Variants in NREP observed in about 807,000 individuals in gnomAD.
NREP encodes the protein neuronal regeneration-related protein.
In NREP, 5 loss-of-function variants were observed where a neutral mutation model predicts 8.6. The observed-to-expected ratio is 0.58, with a 90% CI of 0.30 to 1.22. The LOEUF (loss-of-function observed/expected upper bound fraction) is 1.22, where lower values mean the gene tolerates loss of function less well. Ranked by LOEUF, NREP falls within the 50% of genes most tolerant of loss-of-function variation. The probability of loss-of-function intolerance (pLI) is 0.07; values close to 1 mark genes in which losing one functional copy is unlikely to be tolerated. For missense variants in NREP, 86 were observed against 82.5 expected (o/e 1.04, Z -0.17); for synonymous variants, 27 against 28.0 (o/e 0.96, Z 0.11).
intron 2 of NREP, among the ~76,000 whole-genome samples, chr5:111,872,142 T>C (rs1390442428): frequency 6.6e-6 from 1 of 152,030 alleles, no homozygotes; most frequent in Non-Finnish European, 1.5e-5. Flanking sequence ...GCTGCAAGTC[T>C]CAAGATCTGC....
intron 2 of NREP, among the ~76,000 whole-genome samples, chr5:111,766,712 C>A (rs556029178): frequency 1.3e-5 from 2 of 152,328 alleles, no homozygotes; most frequent in African/African-American, 4.8e-5. Flanking sequence ...TTCCTCCCTA[C>A]AACCTCAGGT....
At chr5:111,757,747 C>G, upstream of NREP, 1 of 983,696 alleles carries the variant, frequency 1.0e-6, no homozygotes, top group East Asian at 1.1e-4. Context: ...GAGCACGGCG[C>G]GCGCAAATCC....
At chr5:111,879,794 T>G (rs576184828) in intron 2 of NREP, among the ~76,000 whole-genome samples, 24 of 151,088 alleles carry the variant, frequency 1.6e-4, no homozygotes, top group African/African-American at 5.8e-4. Context: ...AGCCAACTTC[T>G]TTTTGTAGTC....
At chr5:111,879,164 A>G (rs1295894888) in intron 2 of NREP, among the ~76,000 whole-genome samples, 1 of 152,084 alleles carries the variant, frequency 6.6e-6, no homozygotes, top group Non-Finnish European at 1.5e-5. Context: ...CCCTCTTGCC[A>G]TGTGACATGC....
chr5:111,933,181 A>G (rs1226565791), intron 2 of NREP, among the ~76,000 whole-genome samples: 1 of 152,094 alleles, frequency 6.6e-6, no homozygotes, highest in South Asian at 2.1e-4. Flanking sequence ...TTGGATATAT[A>G]AGGAACCCCA....
At chr5:111,835,526 A>C (rs541124486) in intron 2 of NREP, among the ~76,000 whole-genome samples, 1 of 152,120 alleles carries the variant, frequency 6.6e-6, no homozygotes, top group South Asian at 2.1e-4. Context: ...TTGAGCTAAG[A>C]TTTAGGGGGT....
chr5:111,790,210 C>T (rs1751708071), intron 2 of NREP, among the ~76,000 whole-genome samples: 1 of 151,716 alleles, frequency 6.6e-6, no homozygotes, highest in African/African-American at 2.4e-5. Flanking sequence ...TTTGAACTGA[C>T]AAAAATAAAA....
At chr5:111,827,652 G>A (rs995167882) in intron 2 of NREP, among the ~76,000 whole-genome samples, 8 of 152,124 alleles carry the variant, frequency 5.3e-5, no homozygotes, top group African/African-American at 1.9e-4. Context: ...GACCAGCCTG[G>A]CCAACATGGC....
chr5:111,917,127 G>A (rs1363051992), intron 2 of NREP, among the ~76,000 whole-genome samples: 2 of 152,050 alleles, frequency 1.3e-5, no homozygotes, highest in East Asian at 3.9e-4. Context: ...CATGCATGGT[G>A]TCCTTGCACT....
chr5:111,732,023 C>A (rs1425285041), intron 3 of NREP: 1 of 151,994 alleles, frequency 6.6e-6, no homozygotes, highest in African/African-American at 2.4e-5. Flanking sequence ...CAGCTGAACT[C>A]TGGAGTTTTA....
intron 2 of NREP, among the ~76,000 whole-genome samples, chr5:111,827,502 T>C (rs1752656786): frequency 6.6e-6 from 1 of 152,204 alleles, no homozygotes. Context: ...GTCATCCATT[T>C]ACAGTGCTTT....
intron 2 of NREP, among the ~76,000 whole-genome samples, chr5:111,892,165 C>T (rs928141153): frequency 6.6e-6 from 1 of 152,036 alleles, no homozygotes; most frequent in Non-Finnish European, 1.5e-5. Context: ...AAAAGACTAC[C>T]TACATCTTTT....
At chr5:111,963,843 T>C (rs1357810347) in intron 2 of NREP, among the ~76,000 whole-genome samples, 1 of 152,216 alleles carries the variant, frequency 6.6e-6, no homozygotes, top group African/African-American at 2.4e-5. Context: ...TTGATTTTAA[T>C]TTTTTTCTAA....
At chr5:111,884,922 G>A (rs1240277958) in intron 2 of NREP, among the ~76,000 whole-genome samples, 1 of 152,172 alleles carries the variant, frequency 6.6e-6, no homozygotes, top group African/African-American at 2.4e-5. Flanking sequence ...CACACGACAG[G>A]GATGCCCTCC....
chr5:111,906,506 T>C (rs919027495), intron 2 of NREP, among the ~76,000 whole-genome samples: 2 of 152,122 alleles, frequency 1.3e-5, no homozygotes, highest in African/African-American at 4.8e-5. Context: ...AATGCAAAAT[T>C]GCTATGCTTT....
At chr5:111,912,188 T>G (rs1754931607) in intron 2 of NREP, among the ~76,000 whole-genome samples, 1 of 152,036 alleles carries the variant, frequency 6.6e-6, no homozygotes. Context: ...TATGGTAACA[T>G]TCTCCAGTAT....
At chr5:111,852,551 A>G (rs571853321) in intron 2 of NREP, among the ~76,000 whole-genome samples, 52 of 152,280 alleles carry the variant, frequency 3.4e-4, no homozygotes, top group African/African-American at 1.2e-3. Flanking sequence ...TGAAGTACCT[A>G]TTATGAGCAA....
chr5:111,832,731 A>G (rs571295557), intron 2 of NREP, among the ~76,000 whole-genome samples: 3 of 152,348 alleles, frequency 2.0e-5, no homozygotes, highest in African/African-American at 7.2e-5. Flanking sequence ...GGAAGGTCTC[A>G]GCTGCTACGC....
At chr5:111,835,536 T>C (rs1437835874) in intron 2 of NREP, among the ~76,000 whole-genome samples, 12 of 151,946 alleles carry the variant, frequency 7.9e-5, no homozygotes, top group African/African-American at 2.9e-4. Context: ...ATTTAGGGGG[T>C]TCATAGGTAA....
Sources: gnomAD v4.1 joint callset for allele counts (sites outside exome capture counted in the v4.1 genomes callset) on GRCh38, gnomAD v4.1.1 for gene constraint, MANE v1.5 for transcripts, NCBI Gene and HGNC (gene_info 2026-07-23, HGNC 2026-07-21) for gene names.